MMP28: variants seen among roughly 807,000 people sequenced by gnomAD.
MMP28 encodes the protein matrix metalloproteinase-28.
A neutral mutation model predicts 60.5 loss-of-function variants in MMP28; 55 were observed. The observed-to-expected ratio is 0.91, with a 90% confidence interval of 0.73 to 1.14. The LOEUF (loss-of-function observed/expected upper bound fraction) is 1.14. MMP28 is among the 50% of genes most tolerant of loss of function. The probability of loss-of-function intolerance (pLI) is 0.00; values close to 1 mark genes in which losing one functional copy is unlikely to be tolerated. For synonymous variants in MMP28, 318 were observed against 312.5 expected (o/e 1.02, Z -0.18); for missense variants, 686 against 738.3 (o/e 0.93, Z 0.82).
At chr17:35,787,899 C>A (rs1381976985) in intron 1 of MMP28, among the ~76,000 whole-genome samples, 1 of 104,414 alleles carries the variant, frequency 9.6e-6, no homozygotes, top group Non-Finnish European at 1.8e-5. Context: ...TTTTCTTTCC[C>A]TTTTTTTTTT....
At chr17:35,787,810 T>A (rs1224143307) in intron 1 of MMP28, among the ~76,000 whole-genome samples, 2 of 151,458 alleles carry the variant, frequency 1.3e-5, no homozygotes, top group African/African-American at 4.9e-5. Flanking sequence ...AGTCTTATAG[T>A]CACAAAGTTC....
intron 2 of MMP28, among the ~76,000 whole-genome samples, chr17:35,758,725 T>C (rs587652748): frequency 4.0e-5 from 6 of 151,820 alleles, no homozygotes; most frequent in African/African-American, 1.2e-4. Flanking sequence ...AATAAAATAA[T>C]AAAATAAATT....
At chr17:35,761,278 A>G (rs1235267808), downstream of MMP28, among the ~76,000 whole-genome samples, 1 of 150,768 alleles carries the variant, frequency 6.6e-6, no homozygotes, top group Non-Finnish European at 1.5e-5. Flanking sequence ...TAATTTTTGT[A>G]TTTTGTATTT....
At chr17:35,776,646 A>G (rs2086339899) in intron 3 of MMP28, among the ~76,000 whole-genome samples, 1 of 151,964 alleles carries the variant, frequency 6.6e-6, no homozygotes, top group Non-Finnish European at 1.5e-5. Context: ...CAGCACTTTG[A>G]GAGGCCGAGG....
chr17:35,764,438 C>G (rs587726013), downstream of MMP28: 2 of 1,546,990 alleles, frequency 1.3e-6, no homozygotes, highest in African/African-American at 2.8e-5. Flanking sequence ...AGCGGAGCCT[C>G]CCGGAGGAGC....
chr17:35,794,070 C>T (rs975847897), intron 1 of MMP28, among the ~76,000 whole-genome samples: 1 of 151,882 alleles, frequency 6.6e-6, no homozygotes, highest in Non-Finnish European at 1.5e-5. Flanking sequence ...TGCACTCCAT[C>T]CCGGGCAACA....
rs779004000 is a variant in MMP28, at chr17:35,779,240, C to T, written c.191+4G>A. 6.8e-6 allele frequency: 11 copies of T among 1,610,228 alleles called. No homozygotes were observed. The highest frequency in any genetic ancestry group is 8.5e-6 in the Non-Finnish European group (10 of 1,178,450). On this transcript the variant is annotated splice_donor_region_variant and intron_variant, in intron 2 of 7. Transcript: ENST00000605424. Reference sequence around the variant, plus strand: ...CCCAAGTCCTCCACATCCCTCCACCCTACCTGATGGCATCGCTGAATCGAG... The same window carrying T: ...CCCAAGTCCTCCACATCCCTCCACCTTACCTGATGGCATCGCTGAATCGAG...
chr17:35,769,431 G>A (rs1045747582), intron 5 of MMP28, among the ~76,000 whole-genome samples: 1 of 152,198 alleles, frequency 6.6e-6, no homozygotes, highest in Non-Finnish European at 1.5e-5. Flanking sequence ...ATGCCCAAGA[G>A]CATCTGCTAA....
intron 6 of MMP28, 95 bp from the exon 7 acceptor site, chr17:35,768,014 A>G (rs988830175): frequency 2.3e-5 from 33 of 1,422,258 alleles, no homozygotes; most frequent in Middle Eastern, 1.8e-4. Context: ...TCCCAAATGG[A>G]CAAGCATAGG....
rs1161428639 is a variant in MMP28 at position 35,774,416 on chromosome 17, G to A, written c.380-1012C>T. On this transcript the variant is annotated intron_variant, in intron 3 of 7. Coordinates refer to ENST00000605424, the MANE Select transcript of MMP28 (RefSeq NM_024302.5). ...GACCCCAGGACAAGGGGCCTGCCCA[G>A]GGTCCCGGAATGAGTAAGTAGCTGA... Among the ~76,000 whole-genome samples the A allele has an allele frequency of 2.6e-5, 4 of 152,214 alleles. No individual in the cohort carries two copies. The East Asian group carries it at 5.8e-4, about 22-fold the overall frequency.
intron 1 of MMP28, among the ~76,000 whole-genome samples, chr17:35,784,074 A>T (rs1226678867): frequency 1.3e-5 from 2 of 152,166 alleles, no homozygotes; most frequent in Non-Finnish European, 2.9e-5. Flanking sequence ...TGAGGGCAGG[A>T]GTTCAAGGCC....
chr17:35,795,323 G>T lies in MMP28; in HGVS notation c.55C>A (p.His19Asn). ...LRALQLLLWGHLDAQPAERGG... is the reference protein window; with the variant it reads ...LRALQLLLWGNLDAQPAERGG... Reference sequence around the variant, plus strand: ...CGCTCCGCGGGCTGGGCGTCCAGGTGGCCCCACAGTAGCAGCTGCAGGGCG... The same window carrying T: ...CGCTCCGCGGGCTGGGCGTCCAGGTTGCCCCACAGTAGCAGCTGCAGGGCG... The change falls in exon 1 of 8, where the codon CAC becomes AAC. Residue 19 changes from histidine to asparagine, a missense_variant. By Grantham distance (68) the His-to-Asn change is moderately conservative (BLOSUM62 1). Coordinates refer to ENST00000605424, the MANE Select transcript of MMP28 (RefSeq NM_024302.5). The T allele has an allele frequency of 1.2e-5, 18 of 1,466,802 alleles. No individual in the cohort carries two copies. The highest frequency in any genetic ancestry group is 1.5e-5 in the Non-Finnish European group (17 of 1,110,324). 90.9% of individuals were successfully genotyped at this position (1,466,802 alleles called of 1,614,324 possible).
chr17:35,776,437 A>T (rs2086333166), intron 3 of MMP28, among the ~76,000 whole-genome samples: 1 of 152,060 alleles, frequency 6.6e-6, no homozygotes, highest in Non-Finnish European at 1.5e-5. Flanking sequence ...CAGCCTCCCA[A>T]ATCGCTGGGA....
chr17:35,768,229 C>A lies in MMP28; in HGVS notation c.1000+1G>T. On this transcript the variant is annotated splice_donor_variant, in intron 6 of 7. Transcript: ENST00000605424. LOFTEE classifies it high-confidence loss of function. Reference sequence around the variant, plus strand: ...GCAAAGCACCAGTGGGACCTTCTTACCTACAGTGATGGCATCGAAGGAAGA... The same window carrying A: ...GCAAAGCACCAGTGGGACCTTCTTAACTACAGTGATGGCATCGAAGGAAGA... 1 of 1,604,198 alleles carries A rather than the reference C, an allele frequency of 6.2e-7. No individual in the cohort carries two copies. The highest frequency in any genetic ancestry group is 8.5e-7 in the Non-Finnish European group (1 of 1,175,268).
chr17:35,766,802 C>A lies in MMP28; in HGVS notation c.1261G>T (p.Ala421Ser). ...CGGCGCAGAGGAGGGAAGAAGAGGG[C>A]GGCGTCAGGATGGCGGGGCAGGCCC... ...AGGLPRHPDA[A>S]LFFPPLRRLI... The change falls in exon 8 of 8, where the codon GCC (alanine) becomes TCC (serine). Residue 421 changes from alanine (A) to serine (S), a missense_variant. Physicochemically the swap from Ala to Ser is moderately conservative, Grantham distance 99. Transcript: ENST00000605424. The surrounding 1 kb of genome is among the most constrained non-coding windows in gnomAD (Gnocchi z 4.3). 1.9e-6 allele frequency: 3 copies of A among 1,573,222 alleles called. No homozygotes were observed. The highest frequency in any genetic ancestry group is 2.6e-6 in the Non-Finnish European group (3 of 1,160,052).
At chr17:35,789,851 T>A (rs2086758583) in intron 1 of MMP28, among the ~76,000 whole-genome samples, 1 of 151,080 alleles carries the variant, frequency 6.6e-6, no homozygotes. Flanking sequence ...AACCTCCGCC[T>A]CCTGGTTTCA....
At chr17:35,760,809 G>A (rs1367638017) in intron 2 of MMP28, 2 of 1,003,952 alleles carry the variant, frequency 2.0e-6, no homozygotes, top group Non-Finnish European at 3.1e-6. Context: ...AGCCTTATGG[G>A]CAGGTGAGGT....
At chr17:35,776,120 C>T (rs1023446596) in intron 3 of MMP28, among the ~76,000 whole-genome samples, 4 of 151,692 alleles carry the variant, frequency 2.6e-5, no homozygotes, top group African/African-American at 4.8e-5. Context: ...ATGATCTGCC[C>T]GCCTCGTCCT....
chr17:35,766,953 C>A lies in MMP28; in HGVS notation c.1169-59G>T, dbSNP rs575655624. 8.1e-6 allele frequency: 12 copies of A among 1,474,884 alleles called. No homozygotes were observed. The Admixed American group carries it at 2.2e-4, about 27-fold the overall frequency. 91.4% of individuals were successfully genotyped at this position (1,474,884 alleles called of 1,614,324 possible). A position where few individuals can be genotyped will look rare whatever the true frequency, so the allele number is the denominator to read the frequency against. On this transcript the variant is annotated intron_variant, in intron 7 of 7. Transcript: ENST00000605424. This position sits in a 1 kb window ranked among gnomAD's most constrained non-coding sequence, Gnocchi z 4.3. ...AGGCTGTCACCCATTGGCCCTCTACCCCACTTCTGTCCCCCATACCTCTGC... is the reference window on the plus strand; with the variant it reads ...AGGCTGTCACCCATTGGCCCTCTACACCACTTCTGTCCCCCATACCTCTGC...
Sources: allele counts gnomAD v4.1 joint callset (sites outside exome capture counted in the v4.1 genomes callset), GRCh38; gene constraint gnomAD v4.1.1; non-coding constraint Gnocchi (gnomAD v3.1); transcripts MANE v1.5; gene names NCBI Gene and HGNC (gene_info 2026-07-23, HGNC 2026-07-21).